The following ADK variants were observed in gnomAD, a reference collection of about 807,000 sequenced individuals.
ADK encodes the protein adenosine kinase, also known as N6,N6-dimethyladenosine kinase.
Under a neutral mutation model 44.7 loss-of-function variants are expected in ADK, and 24 were observed. That is an observed-to-expected ratio of 0.54 (90% CI 0.39 to 0.76). The LOEUF is 0.76. Among genes scored for constraint, ADK ranks in the 30% least tolerant of loss-of-function variants. ADK has a pLI of 0.00. For missense variants in ADK, 321 were observed against 425.1 expected, an observed-to-expected ratio of 0.76 and a Z score of 2.15; for synonymous variants, 128 against 142.6, an observed-to-expected ratio of 0.90 and a Z score of 0.73.
chr10:74,374,318 A>C (rs1420499018), intron 4 of ADK, among the ~76,000 whole-genome samples: 8 of 152,132 alleles, frequency 5.3e-5, no homozygotes, highest in Admixed American at 5.2e-4. Flanking sequence ...TAAAGAATAT[A>C]TATTTATTGG....
At chr10:74,684,228 A>G (rs976541662) in intron 10 of ADK, among the ~76,000 whole-genome samples, 1 of 152,232 alleles carries the variant, frequency 6.6e-6, no homozygotes, top group Non-Finnish European at 1.5e-5. Context: ...TTTCCCTAGT[A>G]TTAATAGCCA....
chr10:74,689,944 A>G (rs1855928556), intron 10 of ADK, among the ~76,000 whole-genome samples: 1 of 152,066 alleles, frequency 6.6e-6, no homozygotes, highest in Admixed American at 6.6e-5. Flanking sequence ...CTGTTGCTGG[A>G]CCCTCTCCCA....
At chr10:74,168,738 G>A (rs971178070) in intron 1 of ADK, among the ~76,000 whole-genome samples, 13 of 150,998 alleles carry the variant, frequency 8.6e-5, no homozygotes, top group African/African-American at 2.9e-4. Flanking sequence ...TCAGCCTCCT[G>A]AATAGCTGGA....
chr10:74,299,515 A>AT (rs1554840012), intron 3 of ADK, among the ~76,000 whole-genome samples: 1 of 140,532 alleles, frequency 7.1e-6, no homozygotes, highest in African/African-American at 2.6e-5. Flanking sequence ...AAAAAAAAGA[A>AT]ATATATATAT....
At chr10:74,544,859 TC>T (rs2133745961) in intron 7 of ADK, among the ~76,000 whole-genome samples, 1 of 151,344 alleles carries the variant, frequency 6.6e-6, no homozygotes, top group East Asian at 1.9e-4. Flanking sequence ...AGATTCTGTC[TC>T]AAAAAATAAT....
At chr10:74,692,103 C>G (rs1303526075) in intron 10 of ADK, among the ~76,000 whole-genome samples, 1 of 152,190 alleles carries the variant, frequency 6.6e-6, no homozygotes, top group Admixed American at 6.5e-5. Context: ...ATTGACAAAA[C>G]TTGGAAGTAG....
intron 1 of ADK, among the ~76,000 whole-genome samples, chr10:74,166,238 C>T (rs1164938025): frequency 6.6e-6 from 1 of 152,198 alleles, no homozygotes; most frequent in East Asian, 1.9e-4. Flanking sequence ...CCATGCCCGG[C>T]CAGTAGATTG....
chr10:74,477,362 G>A (rs1204453553), intron 6 of ADK, among the ~76,000 whole-genome samples: 2 of 151,916 alleles, frequency 1.3e-5, no homozygotes, highest in Non-Finnish European at 2.9e-5. Context: ...ATGCCACCAG[G>A]ACTGGCTGTT....
At chr10:74,303,595 T>TTG (rs1840147738) in intron 3 of ADK, among the ~76,000 whole-genome samples, 1 of 131,632 alleles carries the variant, frequency 7.6e-6, no homozygotes, top group East Asian at 2.2e-4. Context: ...GTTGTTTTTT[T>TTG]TTTTTTTTTT....
intron 4 of ADK, among the ~76,000 whole-genome samples, chr10:74,385,544 A>G (rs1403946716): frequency 6.6e-6 from 1 of 152,222 alleles, no homozygotes; most frequent in Non-Finnish European, 1.5e-5. Context: ...TTTATCCATT[A>G]TTAATTACAA....
intron 1 of ADK, among the ~76,000 whole-genome samples, chr10:74,192,242 T>C (rs1016656060): frequency 6.6e-6 from 1 of 152,186 alleles, no homozygotes; most frequent in Non-Finnish European, 1.5e-5. Context: ...TATTTGTTTT[T>C]TTTGAGACAG....
intron 6 of ADK, among the ~76,000 whole-genome samples, chr10:74,420,946 G>C (rs746117445): frequency 1.8e-4 from 28 of 152,170 alleles, no homozygotes; most frequent in Non-Finnish European, 4.1e-4. Flanking sequence ...GCGATGTACT[G>C]TTCTGTATGG....
chr10:74,687,487 A>G (rs921536505), intron 10 of ADK, among the ~76,000 whole-genome samples: 2 of 152,204 alleles, frequency 1.3e-5, no homozygotes, highest in African/African-American at 2.4e-5. Context: ...TTTAATAGTA[A>G]AGGTTGAATT....
intron 9 of ADK, among the ~76,000 whole-genome samples, chr10:74,619,789 C>A (rs1022122817): frequency 2.0e-5 from 3 of 152,174 alleles, no homozygotes; most frequent in Admixed American, 1.3e-4. Context: ...GGCGTGATCA[C>A]AGCTCACTGC....
chr10:74,519,310 T>C (rs1027050245), intron 6 of ADK, among the ~76,000 whole-genome samples: 1 of 151,986 alleles, frequency 6.6e-6, no homozygotes, highest in Non-Finnish European at 1.5e-5. Flanking sequence ...AATTTTTACA[T>C]TTAAATTAAT....
In ADK at chr10:74,611,058, C is replaced by T. The variant is rs11813394; in HGVS notation, c.877+10565C>T. On this transcript the variant is annotated intron_variant, in intron 9 of 10. Transcript: ENST00000539909. The stretch of plus-strand genomic sequence containing the variant: ...TTTCGTTTGTTTTAAGACCAGGCCT[C>T]GCTCTGTCACCCAAGCTGGAGTACA... Among the ~76,000 whole-genome samples, 456 of 152,132 alleles carry T rather than the reference C, an allele frequency of 3.0e-3. 8 individuals are homozygous for T. The highest frequency in any genetic ancestry group is 0.01 in the African/African-American group (426 of 41,532).
chr10:74,329,935 G>C (rs1341945711), intron 4 of ADK, among the ~76,000 whole-genome samples: 2 of 152,064 alleles, frequency 1.3e-5, no homozygotes, highest in Non-Finnish European at 2.9e-5. Flanking sequence ...GCCAAGGCCA[G>C]AGGATCAGTT....
intron 1 of ADK, among the ~76,000 whole-genome samples, chr10:74,186,049 A>T (rs1341606120): frequency 1.3e-5 from 2 of 151,664 alleles, no homozygotes; most frequent in Middle Eastern, 3.2e-3. Flanking sequence ...GAGTTTCACC[A>T]TGTCGGCCAG....
chr10:74,307,544 A>G (rs1840299491), intron 3 of ADK, among the ~76,000 whole-genome samples: 1 of 152,174 alleles, frequency 6.6e-6, no homozygotes, highest in South Asian at 2.1e-4. Flanking sequence ...CCTAGGTGTC[A>G]TCAGTAGGAA....
Sources: gnomAD v4.1 joint callset for allele counts (sites outside exome capture counted in the v4.1 genomes callset) on GRCh38, gnomAD v4.1.1 for gene constraint, MANE v1.5 for transcripts, NCBI Gene and HGNC (gene_info 2026-07-23, HGNC 2026-07-21) for gene names.